Variants in GRK5 observed in about 807,000 individuals in gnomAD.
The protein encoded by GRK5 is G protein-coupled receptor kinase 5.
Under a neutral mutation model 78.4 loss-of-function variants are expected in GRK5, and 40 were observed. The ratio of observed to expected loss-of-function variants is 0.51; its 90% CI spans 0.40 to 0.66. The LOEUF is 0.66. Ranked by LOEUF, GRK5 falls within the 30% of genes least tolerant of loss-of-function variation. GRK5 has a pLI of 0.00. For missense variants in GRK5, 598 were observed against 759.9 expected, an observed-to-expected ratio of 0.79 and a Z score of 2.50; for synonymous variants, 289 against 296.8, an observed-to-expected ratio of 0.97 and a Z score of 0.27.
rs1851641528 is a variant in GRK5 at position 119,377,385 on chromosome 10, C to T, written c.149-3430C>T. On this transcript the variant is annotated intron_variant, in intron 2 of 15. Coordinates refer to ENST00000392870, the MANE Select transcript of GRK5 (RefSeq NM_005308.3). ...TGATCATTCCCAAATTCGTATTCTT[C>T]CTTCTGTGGCCTCCTTATCCATTTC... Among the ~76,000 whole-genome samples the T allele has an allele frequency of 2.6e-5, 4 of 152,326 alleles. No individual in the cohort carries two copies. The South Asian group carries it at 8.3e-4, about 32-fold the overall frequency.
At chr10:119,386,497 T>G (rs1197379150) in intron 3 of GRK5, among the ~76,000 whole-genome samples, 1 of 152,226 alleles carries the variant, frequency 6.6e-6, no homozygotes, top group African/African-American at 2.4e-5. Flanking sequence ...ATTCTGGTCG[T>G]GCCATCGTTC....
At position 119,313,071 on chromosome 10, in the gene GRK5, ATGG is replaced by A. The variant is rs547118391; in HGVS notation, c.53-13430_53-13428del. Among the ~76,000 whole-genome samples, 38 of 20,360 alleles carry A rather than the reference ATGG, an allele frequency of 1.9e-3. 1 individual carries two copies. The highest frequency in any genetic ancestry group is 0.013 in the South Asian group (10 of 764). 13.4% of individuals were successfully genotyped at this position (20,360 alleles called of 152,430 possible). On this transcript the variant is annotated intron_variant, in intron 1 of 15. Coordinates refer to ENST00000392870, the MANE Select transcript of GRK5 (RefSeq NM_005308.3). ...GGTGGTAATGATGATGGTGGTGGTG[ATGG>A]TGGTGGTGGTGGTGATGGTGGTGAT... is the stretch of plus-strand genomic sequence containing the variant.
intron 2 of GRK5, among the ~76,000 whole-genome samples, chr10:119,360,657 C>T (rs1484664456): frequency 1.3e-5 from 2 of 152,174 alleles, no homozygotes; most frequent in Non-Finnish European, 1.5e-5. Flanking sequence ...TGGGAGGAGA[C>T]TGTGTGAGTG....
chr10:119,317,347 GGTGTGTGTGTGT>G (rs3064482), intron 1 of GRK5, among the ~76,000 whole-genome samples: 17 of 142,514 alleles, frequency 1.2e-4, no homozygotes, highest in African/African-American at 3.1e-4. Flanking sequence ...TCAGTAGATG[GGTGTGTGTGTGT>G]GTGTGTGTGT....
intron 1 of GRK5, among the ~76,000 whole-genome samples, chr10:119,256,764 A>G (rs998157090): frequency 6.6e-6 from 1 of 152,134 alleles, no homozygotes; most frequent in Non-Finnish European, 1.5e-5. Context: ...TCTCCACTTT[A>G]AAGTGTAAAT....
At chr10:119,328,311 C>T (rs865835253) in intron 2 of GRK5, among the ~76,000 whole-genome samples, 1 of 152,164 alleles carries the variant, frequency 6.6e-6, no homozygotes. Flanking sequence ...TGAGACTTTG[C>T]AGGGGGCCTT....
intron 2 of GRK5, among the ~76,000 whole-genome samples, chr10:119,362,453 G>A (rs1340465184): frequency 1.3e-5 from 2 of 152,202 alleles, no homozygotes; most frequent in African/African-American, 2.4e-5. Flanking sequence ...CTGGAACCAG[G>A]GTGTTTGTTT....
In GRK5 at chr10:119,217,364, A is replaced by G. The variant is rs966642704; in HGVS notation, c.52+9395A>G. Among the ~76,000 whole-genome samples the G allele has an allele frequency of 2.0e-5, 3 of 152,256 alleles. No individual in the cohort carries two copies. Among genetic ancestry groups the G allele is most frequent in the Non-Finnish European group, 2.9e-5 (2 of 68,046 alleles). ...CATTTTAAAAGTAGAACTGTGTATC[A>G]ATACAACTGAATCTGTGTTTGAGGA... On this transcript the variant is annotated intron_variant, in intron 1 of 15. Coordinates refer to ENST00000392870, the MANE Select transcript of GRK5 (RefSeq NM_005308.3). This position sits in a 1 kb window ranked among gnomAD's most constrained non-coding sequence, Gnocchi z 4.1.
intron 2 of GRK5, among the ~76,000 whole-genome samples, chr10:119,367,207 G>A (rs145126772): frequency 3.7e-4 from 56 of 152,278 alleles, no homozygotes; most frequent in African/African-American, 1.3e-3. Context: ...GATCCGTGTC[G>A]AAAATCCCGA....
chr10:119,348,022 G>T lies in GRK5; in HGVS notation c.148+21411G>T, dbSNP rs191541119. 1.2e-3 allele frequency among the ~76,000 whole-genome samples: 178 copies of T among 152,326 alleles called. 1 individual carries two copies. The highest frequency in any genetic ancestry group is 4.1e-3 in the African/African-American group (172 of 41,562). ...TGGGCTTCTCTCATCCGCCATTGTT[G>T]TTCTAGCCCTTCTGTCTCCCTCAAG... On this transcript the variant is annotated intron_variant, in intron 2 of 15. Coordinates refer to ENST00000392870, the MANE Select transcript of GRK5 (RefSeq NM_005308.3).
rs75533810 is a variant in GRK5 at position 119,346,621 on chromosome 10, G to A, written c.148+20010G>A. Among the ~76,000 whole-genome samples the A allele has an allele frequency of 6.2e-3, 946 of 152,298 alleles. 13 individuals carry two copies. Among genetic ancestry groups the A allele is most frequent in the African/African-American group, 0.022 (900 of 41,564 alleles). Reference sequence around the variant, plus strand: ...TCTCTGGGACATGTGGGCTGGAGCTGCAAGCTGGGTGCCTTCTGCCAGCTG... The same window carrying A: ...TCTCTGGGACATGTGGGCTGGAGCTACAAGCTGGGTGCCTTCTGCCAGCTG... On this transcript the variant is annotated intron_variant, in intron 2 of 15. Coordinates refer to ENST00000392870, the MANE Select transcript of GRK5 (RefSeq NM_005308.3).
intron 3 of GRK5, among the ~76,000 whole-genome samples, chr10:119,386,600 C>T (rs1026337147): frequency 2.0e-5 from 3 of 152,170 alleles, no homozygotes; most frequent in African/African-American, 7.2e-5. Flanking sequence ...TCACATCTAC[C>T]CTAATGAAGC....
intron 1 of GRK5, among the ~76,000 whole-genome samples, chr10:119,326,297 C>A (rs41284418): frequency 0.044 from 6,678 of 152,256 alleles, 267 homozygotes; most frequent in East Asian, 0.21. Flanking sequence ...TGCTAGGGGG[C>A]CGGGGTCAGG....
Position 119,258,847 on chromosome 10 carries a change from T to C in GRK5, c.52+50878T>C, listed in dbSNP as rs571785070. Among the ~76,000 whole-genome samples, 8 of 152,312 alleles carry C rather than the reference T, an allele frequency of 5.3e-5. No individual in the cohort carries two copies. The South Asian group carries it at 1.7e-3, about 32-fold the overall frequency. On this transcript the variant is annotated intron_variant, in intron 1 of 15. Coordinates refer to ENST00000392870, the MANE Select transcript of GRK5 (RefSeq NM_005308.3). ...AGCCTAGTTTCTAGAATCCATCCCC[T>C]GTCAGTTATTGACTGAGGGCTCCTG... is the stretch of plus-strand genomic sequence containing the variant.
chr10:119,319,330 C>T (rs865842834), intron 1 of GRK5, among the ~76,000 whole-genome samples: 2 of 152,336 alleles, frequency 1.3e-5, no homozygotes, highest in South Asian at 2.1e-4. Context: ...AATCAGGGGA[C>T]ACGCCATCTT....
At chr10:119,312,664 G>A (rs1850379518) in intron 1 of GRK5, among the ~76,000 whole-genome samples, 1 of 152,192 alleles carries the variant, frequency 6.6e-6, no homozygotes, top group African/African-American at 2.4e-5. Context: ...GGTGAAGTCA[G>A]GGAGGCAGTA....
chr10:119,258,147 G>T (rs1317221625), intron 1 of GRK5, among the ~76,000 whole-genome samples: 1 of 152,056 alleles, frequency 6.6e-6, no homozygotes, highest in Admixed American at 6.6e-5. Context: ...CCAGCCCCTG[G>T]CAACCACTGG....
chr10:119,213,890 G>A (rs1243322365), intron 1 of GRK5, among the ~76,000 whole-genome samples: 1 of 152,182 alleles, frequency 6.6e-6, no homozygotes, highest in Non-Finnish European at 1.5e-5. Flanking sequence ...GGTGACATTC[G>A]GGTGTCAGCC....
In GRK5 at chr10:119,455,232, G is replaced by C; in HGVS notation, c.*165G>C. On this transcript the variant is annotated 3_prime_UTR_variant, in exon 16 of 16. Transcript: ENST00000392870. ...ACGTAGAACCTCGAGGTTTCTCAAA[G>C]AAATTTCCACTCAGGTCTGTTTTCC... is the stretch of plus-strand genomic sequence containing the variant. 6 of 713,696 alleles carry C rather than the reference G, an allele frequency of 8.4e-6. No homozygotes were observed. Among genetic ancestry groups the C allele is most frequent in the Non-Finnish European group, 1.5e-5 (6 of 395,100 alleles). The allele number at this position is 713,696 out of a possible 1,614,324, so 44.2% of individuals were successfully genotyped here. A position where few individuals can be genotyped will look rare whatever the true frequency, so the allele number is the denominator to read the frequency against.
Sources: allele counts gnomAD v4.1 joint callset (sites outside exome capture counted in the v4.1 genomes callset), GRCh38; gene constraint gnomAD v4.1.1; non-coding constraint Gnocchi (gnomAD v3.1); transcripts MANE v1.5; gene names NCBI Gene and HGNC (gene_info 2026-07-23, HGNC 2026-07-21).